Variants in ARHGEF2 observed in about 807,000 individuals in gnomAD.
ARHGEF2 encodes Rho/Rac guanine nucleotide exchange factor 2.
Under a neutral mutation model 121.0 loss-of-function variants are expected in ARHGEF2, and 22 were observed. The ratio of observed to expected loss-of-function variants is 0.18; its 90% confidence interval spans 0.13 to 0.26. ARHGEF2 has a LOEUF of 0.26. Among genes scored for constraint, ARHGEF2 ranks in the 10% least tolerant of loss-of-function variants. ARHGEF2 has a pLI of 1.00. For missense variants in ARHGEF2, 907 were observed against 1,336.0 expected, an observed-to-expected ratio of 0.68 and a Z score of 5.01; for synonymous variants, 487 against 530.0, an observed-to-expected ratio of 0.92 and a Z score of 1.11.
intron 1 of ARHGEF2, among the ~76,000 whole-genome samples, chr1:155,974,835 G>A (rs71628699): frequency 0.07 from 9,198 of 130,722 alleles, 346 homozygotes; most frequent in Middle Eastern, 0.14. Context: ...CCAGGAGAGA[G>A]AGACAAGCAG....
intron 1 of ARHGEF2, chr1:155,970,608 CG>C: frequency 1.0e-6 from 1 of 985,388 alleles, no homozygotes; most frequent in South Asian, 4.7e-5. Flanking sequence ...TACAGTTCAG[CG>C]GGAAGCACTC....
Position 155,962,310 on chromosome 1 carries a change from C to A in ARHGEF2, c.1102-88G>T. 7.4e-7 allele frequency: 1 copy of A among 1,343,034 alleles called. No individual in the cohort carries two copies. The highest frequency in any genetic ancestry group is 1.0e-6 in the Non-Finnish European group (1 of 956,690). The allele number at this position is 1,343,034 out of a possible 1,614,324, so 83.2% of individuals were successfully genotyped here. On this transcript the variant is annotated intron_variant, in intron 9 of 21. Coordinates refer to ENST00000361247, the MANE Select transcript of ARHGEF2 (RefSeq NM_001162383.2). This position sits in a 1 kb window ranked among gnomAD's most constrained non-coding sequence, Gnocchi z 5.8. ...AGCTCTGGTGCTGGCCCTGGCGTGG[C>A]CATTTACCTCATGCTTGCCTAGGTG... is the stretch of plus-strand genomic sequence containing the variant.
chr1:155,961,439 G>A lies in ARHGEF2; in HGVS notation c.1468+222C>T, dbSNP rs565477765. Reference sequence around the variant, plus strand: ...ATAGGCGCCCACCACCACGCCCGGCGAATTTTTTGTATTTTCAGTAGAGAC... The same window carrying A: ...ATAGGCGCCCACCACCACGCCCGGCAAATTTTTTGTATTTTCAGTAGAGAC... On this transcript the variant is annotated intron_variant, in intron 11 of 21. Transcript: ENST00000361247. This position sits in a 1 kb window ranked among gnomAD's most constrained non-coding sequence, Gnocchi z 4.7. 9.2e-5 allele frequency among the ~76,000 whole-genome samples: 14 copies of A among 152,028 alleles called. No individual in the cohort carries two copies. The South Asian group carries it at 1.2e-3, about 14-fold the overall frequency.
At chr1:155,968,980 C>A (rs917079744) in intron 2 of ARHGEF2, 176 bp downstream of exon 2, 7 of 708,816 alleles carry the variant, frequency 9.9e-6, no homozygotes, top group African/African-American at 7.2e-5. Flanking sequence ...CAACAGCCAC[C>A]ACCCCTCAGA....
At chr1:155,974,412 C>G (rs539209628) in intron 1 of ARHGEF2, among the ~76,000 whole-genome samples, 3 of 152,218 alleles carry the variant, frequency 2.0e-5, no homozygotes, top group Admixed American at 6.5e-5. Flanking sequence ...GCAGAGGCGC[C>G]GTTGGCTATG....
At chr1:155,968,833 C>A in intron 2 of ARHGEF2, 1 of 258,604 alleles carries the variant, frequency 3.9e-6, no homozygotes, top group Non-Finnish European at 7.5e-6. Context: ...ATTCCTGCTC[C>A]TTCTCCAATC....
Position 155,950,726 on chromosome 1 carries a change from A to C in ARHGEF2, c.2703+103T>G. 1 of 1,204,626 alleles carries C rather than the reference A, an allele frequency of 8.3e-7. No individual in the cohort carries two copies. Among genetic ancestry groups the C allele is most frequent in the South Asian group, 1.5e-5 (1 of 67,616 alleles). The allele number at this position is 1,204,626 out of a possible 1,614,324, so 74.6% of individuals were successfully genotyped here. Reference sequence around the variant, plus strand: ...ATCTCAATATCCTTCAAGTCAGTTGACTGATTGCATTTGGGCTCAAATCCC... The same window carrying C: ...ATCTCAATATCCTTCAAGTCAGTTGCCTGATTGCATTTGGGCTCAAATCCC... On this transcript the variant is annotated intron_variant, in intron 20 of 21. Transcript: ENST00000361247. The surrounding 1 kb of genome is among the most constrained non-coding windows in gnomAD (Gnocchi z 5.2).
At chr1:155,972,556 A>G (rs1292865779) in intron 1 of ARHGEF2, among the ~76,000 whole-genome samples, 3 of 151,970 alleles carry the variant, frequency 2.0e-5, no homozygotes, top group African/African-American at 7.3e-5. Context: ...ACCCACGCCC[A>G]AGTAGGACAG....
Position 155,965,469 on chromosome 1 carries a change from A to G in ARHGEF2, c.471-57T>C. 1.3e-6 allele frequency: 2 copies of G among 1,593,798 alleles called. No homozygotes were observed. The highest frequency in any genetic ancestry group is 2.2e-5 in the East Asian group (1 of 44,744). On this transcript the variant is annotated intron_variant, in intron 5 of 21. Coordinates refer to ENST00000361247, the MANE Select transcript of ARHGEF2 (RefSeq NM_001162383.2). The surrounding 1 kb of genome is among the most constrained non-coding windows in gnomAD (Gnocchi z 6.0). ...CCAGTCGGGCAAAAGATCCCTTCCC[A>G]GGTAGGGAACCAAAGCCAGGATCCA...
chr1:155,948,632 A>C (rs182765059), intron 21 of ARHGEF2, among the ~76,000 whole-genome samples: 101 of 152,172 alleles, frequency 6.6e-4, no homozygotes, highest in Admixed American at 2.1e-3. Flanking sequence ...CTGTCTCAAA[A>C]AAAACAAAAC....
At chr1:155,966,783 C>T in intron 3 of ARHGEF2, 37 bp downstream of exon 3, 1 of 1,562,352 alleles carries the variant, frequency 6.4e-7, no homozygotes, top group Non-Finnish European at 8.8e-7. Flanking sequence ...CACTCACTAC[C>T]CTCTCCCCCA....
chr1:155,966,961 C>T (rs1679517597), intron 2 of ARHGEF2, 74 bp from the exon 3 acceptor site: 2 of 1,408,020 alleles, frequency 1.4e-6, no homozygotes, highest in South Asian at 2.3e-5. Context: ...ATGCAGACAC[C>T]CATCTCCTCC....
intron 11 of ARHGEF2, among the ~76,000 whole-genome samples, chr1:155,960,139 G>A (rs1303881281): frequency 2.0e-5 from 3 of 152,096 alleles, no homozygotes; most frequent in Non-Finnish European, 4.4e-5. Flanking sequence ...AGGAAACAAA[G>A]ATCAATTCCA....
chr1:155,970,471 G>A (rs1368466680), intron 1 of ARHGEF2: 4 of 985,352 alleles, frequency 4.1e-6, no homozygotes, highest in Non-Finnish European at 4.8e-6. Flanking sequence ...CGCTCTTGGA[G>A]CAGGACTAGA....
At chr1:155,971,192 T>C in intron 1 of ARHGEF2, 2 of 843,036 alleles carry the variant, frequency 2.4e-6, no homozygotes, top group Non-Finnish European at 2.9e-6. Context: ...GCCTCCTTTT[T>C]TCTATTCTGG....
At chr1:155,957,602 T>TC in intron 13 of ARHGEF2, 111 bp downstream of exon 13, 1 of 1,289,456 alleles carries the variant, frequency 7.8e-7, no homozygotes, top group Non-Finnish European at 1.0e-6. Flanking sequence ...CTCAACCTCT[T>TC]CCCCCACCTC....
Position 155,978,021 on chromosome 1 carries a change from C to T in ARHGEF2, c.63+344G>A. 9.9e-7 allele frequency: 1 copy of T among 1,014,682 alleles called. No individual in the cohort carries two copies. Among genetic ancestry groups the T allele is most frequent in the Non-Finnish European group, 1.2e-6 (1 of 836,608 alleles). The allele number at this position is 1,014,682 out of a possible 1,614,324, so 62.9% of individuals were successfully genotyped here. A position where few individuals can be genotyped will look rare whatever the true frequency, so the allele number is the denominator to read the frequency against. On this transcript the variant is annotated intron_variant, in intron 1 of 21. Coordinates refer to ENST00000361247, the MANE Select transcript of ARHGEF2 (RefSeq NM_001162383.2). This position sits in a 1 kb window ranked among gnomAD's most constrained non-coding sequence, Gnocchi z 4.1. ...AGGAGGTGCCGGAGCTTCCACCGCC[C>T]CCACCCGCGAGACACACACCTCCCT...
rs1005386420 is a variant in ARHGEF2, at chr1:155,961,052, A to G, written c.1468+609T>C. 2.0e-5 allele frequency among the ~76,000 whole-genome samples: 3 copies of G among 152,130 alleles called. No individual in the cohort carries two copies. The highest frequency in any genetic ancestry group is 4.8e-5 in the African/African-American group (2 of 41,428). ...GCTGGGATTCCAGCTGGGGGAATCA[A>G]CTGATCCTGTCCTCCAGTCTGAGAG... is the stretch of plus-strand genomic sequence containing the variant. On this transcript the variant is annotated intron_variant, in intron 11 of 21. Coordinates refer to ENST00000361247, the MANE Select transcript of ARHGEF2 (RefSeq NM_001162383.2). The surrounding 1 kb of genome is among the most constrained non-coding windows in gnomAD (Gnocchi z 4.7).
upstream of ARHGEF2, chr1:155,978,624 G>T: frequency 8.0e-7 from 1 of 1,244,116 alleles, no homozygotes; most frequent in Non-Finnish European, 1.0e-6. This position sits in a 1 kb window ranked among gnomAD's most constrained non-coding sequence, Gnocchi z 4.1. Flanking sequence ...GGGGTAGGCG[G>T]AGCGGAGGGA....
Sources: allele counts gnomAD v4.1 joint callset (sites outside exome capture counted in the v4.1 genomes callset), GRCh38; gene constraint gnomAD v4.1.1; non-coding constraint Gnocchi (gnomAD v3.1); transcripts MANE v1.5; gene names NCBI Gene and HGNC (gene_info 2026-07-23, HGNC 2026-07-21).